CCDC102B: variants seen among roughly 807,000 people sequenced by gnomAD.
CCDC102B encodes the protein coiled-coil domain containing 102B.
A neutral mutation model predicts 57.4 loss-of-function variants in CCDC102B; 75 were observed. The ratio of observed to expected loss-of-function variants is 1.31; its 90% CI spans 1.08 to 1.58. The LOEUF is 1.58. Among genes scored for constraint, CCDC102B ranks in the 40% most tolerant of loss-of-function variants. The probability of loss-of-function intolerance (pLI) is 0.00; values close to 1 mark genes in which losing one functional copy is unlikely to be tolerated. For missense variants in CCDC102B, 636 were observed against 582.6 expected, an observed-to-expected ratio of 1.09 and a Z score of -0.94; for synonymous variants, 206 against 201.9, an observed-to-expected ratio of 1.02 and a Z score of -0.17.
At chr18:68,972,269 T>C (rs1307258673) in intron 6 of CCDC102B, among the ~76,000 whole-genome samples, 1 of 152,180 alleles carries the variant, frequency 6.6e-6, no homozygotes, top group African/African-American at 2.4e-5. Flanking sequence ...GTGGGTGTTG[T>C]TAGCAGCAGG....
At chr18:69,012,645 T>C (rs2051549798) in intron 7 of CCDC102B, among the ~76,000 whole-genome samples, 1 of 152,042 alleles carries the variant, frequency 6.6e-6, no homozygotes. Flanking sequence ...TTTTTACATA[T>C]ACATCTTTTC....
At chr18:68,930,055 T>C (rs542609912) in intron 6 of CCDC102B, among the ~76,000 whole-genome samples, 1 of 151,612 alleles carries the variant, frequency 6.6e-6, no homozygotes, top group East Asian at 2.0e-4. Flanking sequence ...ACATCAGAAT[T>C]TCCTAGGACT....
chr18:68,947,611 A>C (rs758271880), intron 6 of CCDC102B, among the ~76,000 whole-genome samples: 65 of 152,110 alleles, frequency 4.3e-4, no homozygotes, highest in Admixed American at 9.8e-4. Flanking sequence ...ACTTTCTGAA[A>C]TGGTTTTCTC....
At chr18:68,774,631 T>A (rs540658865) in intron 2 of CCDC102B, among the ~76,000 whole-genome samples, 113 of 152,200 alleles carry the variant, frequency 7.4e-4, no homozygotes, top group Non-Finnish European at 1.2e-3. Context: ...TTTAAATAAC[T>A]TAGGATTATT....
intron 6 of CCDC102B, among the ~76,000 whole-genome samples, chr18:68,938,911 T>C (rs1190938722): frequency 1.3e-5 from 2 of 151,836 alleles, no homozygotes; most frequent in East Asian, 1.9e-4. Context: ...AAATATCAAT[T>C]AAATTTTTTT....
At chr18:68,789,784 C>T (rs1277620446) in intron 2 of CCDC102B, among the ~76,000 whole-genome samples, 1 of 146,832 alleles carries the variant, frequency 6.8e-6, no homozygotes, top group African/African-American at 2.6e-5. Context: ...AATGTCCTCC[C>T]GTAGCTCAGA....
chr18:69,035,632 C>A (rs1466152355), intron 7 of CCDC102B, among the ~76,000 whole-genome samples: 2 of 152,062 alleles, frequency 1.3e-5, no homozygotes, highest in East Asian at 1.9e-4. Context: ...TACCTGAGAT[C>A]ACCAAGAAGT....
At chr18:68,918,503 G>T (rs1243769908) in intron 6 of CCDC102B, among the ~76,000 whole-genome samples, 1 of 152,158 alleles carries the variant, frequency 6.6e-6, no homozygotes, top group Non-Finnish European at 1.5e-5. Context: ...ACAATTAAAT[G>T]TAATTATGGT....
At chr18:68,809,830 T>C (rs2144707324) in intron 1 of CCDC102B, among the ~76,000 whole-genome samples, 1 of 152,232 alleles carries the variant, frequency 6.6e-6, no homozygotes, top group South Asian at 2.1e-4. Context: ...GAGGAATGAG[T>C]AGATATCATT....
chr18:68,922,461 A>C (rs1261480279), intron 6 of CCDC102B, among the ~76,000 whole-genome samples: 1 of 152,158 alleles, frequency 6.6e-6, no homozygotes, highest in Non-Finnish European at 1.5e-5. Context: ...TGCATACATA[A>C]CTGAAGGCCA....
intron 7 of CCDC102B, among the ~76,000 whole-genome samples, chr18:69,049,917 C>G (rs913565829): frequency 6.6e-6 from 1 of 151,994 alleles, no homozygotes; most frequent in Non-Finnish European, 1.5e-5. Flanking sequence ...TCAAGCAATT[C>G]TCCTGCCTCA....
At chr18:69,019,779 G>A (rs1242196512) in intron 7 of CCDC102B, among the ~76,000 whole-genome samples, 3 of 151,976 alleles carry the variant, frequency 2.0e-5, no homozygotes, top group East Asian at 1.9e-4. Flanking sequence ...AAATGACGAG[G>A]GTGAAAATGC....
At chr18:68,727,124 G>A (rs1179685957) in intron 2 of CCDC102B, among the ~76,000 whole-genome samples, 22 of 152,262 alleles carry the variant, frequency 1.4e-4, no homozygotes, top group East Asian at 1.9e-4. Context: ...AGGGAAGCTT[G>A]AACAAAACAA....
intron 6 of CCDC102B, among the ~76,000 whole-genome samples, chr18:68,979,776 G>T (rs2050530860): frequency 6.6e-6 from 1 of 152,052 alleles, no homozygotes; most frequent in Admixed American, 6.6e-5. Context: ...GCCACTGCAG[G>T]TTGGCAGGTT....
intron 6 of CCDC102B, among the ~76,000 whole-genome samples, chr18:68,908,866 T>G (rs911631070): frequency 1.3e-5 from 2 of 151,844 alleles, no homozygotes; most frequent in Admixed American, 6.6e-5. Flanking sequence ...TTTATATGAG[T>G]GTATGAATGT....
chr18:69,045,228 A>G (rs1220093021), intron 7 of CCDC102B, among the ~76,000 whole-genome samples: 2 of 152,242 alleles, frequency 1.3e-5, no homozygotes, highest in East Asian at 3.9e-4. Flanking sequence ...TATCAATAGT[A>G]AATTATTCAT....
intron 1 of CCDC102B, among the ~76,000 whole-genome samples, chr18:68,716,034 G>A (rs558440632): frequency 6.6e-6 from 1 of 152,226 alleles, no homozygotes; most frequent in Non-Finnish European, 1.5e-5. Flanking sequence ...AGCCCTAAAT[G>A]TCACCCCCTT....
intron 2 of CCDC102B, among the ~76,000 whole-genome samples, chr18:68,790,051 C>G (rs1391327968): frequency 3.4e-5 from 5 of 147,862 alleles, no homozygotes; most frequent in East Asian, 2.0e-4. Context: ...TTCTAACAGA[C>G]AGGACCCTCA....
At chr18:68,775,740 C>A (rs1599442977) in intron 2 of CCDC102B, among the ~76,000 whole-genome samples, 1 of 148,124 alleles carries the variant, frequency 6.8e-6, no homozygotes, top group Non-Finnish European at 1.5e-5. Flanking sequence ...TGCAACCTCT[C>A]CCTCCTGGGT....
Sources: allele counts gnomAD v4.1 joint callset (sites outside exome capture counted in the v4.1 genomes callset), GRCh38; gene constraint gnomAD v4.1.1; transcripts MANE v1.5; gene names NCBI Gene and HGNC (gene_info 2026-07-23, HGNC 2026-07-21).